Variants in PHF20 observed in about 807,000 individuals in gnomAD.
The protein encoded by PHF20 is glioma-expressed antigen 2.
A neutral mutation model predicts 113.5 loss-of-function variants in PHF20; 23 were observed. The observed-to-expected ratio is 0.20, with a 90% confidence interval of 0.15 to 0.29. PHF20 has a LOEUF of 0.29. Among genes scored for constraint, PHF20 ranks in the 10% least tolerant of loss-of-function variants. The probability of loss-of-function intolerance (pLI) is 1.00; values close to 1 mark genes in which losing one functional copy is unlikely to be tolerated. For synonymous variants in PHF20, 434 were observed against 457.3 expected (o/e 0.95, Z 0.65); for missense variants, 943 against 1,219.6 (o/e 0.77, Z 3.38).
chr20:35,818,491 C>G (rs947070162), intron 2 of PHF20, among the ~76,000 whole-genome samples: 1 of 151,992 alleles, frequency 6.6e-6, no homozygotes, highest in Non-Finnish European at 1.5e-5. Flanking sequence ...AACTTCTGGG[C>G]TCAAGCAGTG....
At chr20:35,896,502 A>G (rs1211138455) in intron 9 of PHF20, among the ~76,000 whole-genome samples, 1 of 152,044 alleles carries the variant, frequency 6.6e-6, no homozygotes, top group Non-Finnish European at 1.5e-5. Flanking sequence ...AATAAACTGC[A>G]TTTCTAACAC....
At chr20:35,910,609 G>C (rs1180467692) in intron 10 of PHF20, among the ~76,000 whole-genome samples, 13 of 151,716 alleles carry the variant, frequency 8.6e-5, no homozygotes, top group Admixed American at 8.5e-4. Flanking sequence ...TCTGCTTACT[G>C]TTACTTGTGG....
At chr20:35,843,571 TA>T (rs2042569987) in intron 3 of PHF20, among the ~76,000 whole-genome samples, 1 of 149,524 alleles carries the variant, frequency 6.7e-6, no homozygotes. Flanking sequence ...AACGTTGTAC[TA>T]AGTCTCATAT....
intron 17 of PHF20, among the ~76,000 whole-genome samples, chr20:35,943,496 T>TA (rs376783489): frequency 0.014 from 1,607 of 115,970 alleles, 26 homozygotes; most frequent in African/African-American, 0.041. Context: ...CCCATTTCTT[T>TA]AAAAAAAAAA....
chr20:35,831,925 G>C (rs74768850), intron 2 of PHF20, among the ~76,000 whole-genome samples: 7,710 of 152,180 alleles, frequency 0.051, 241 homozygotes, highest in African/African-American at 0.099. Context: ...AGACCTTGTG[G>C]ACCAGCAGCT....
intron 1 of PHF20, among the ~76,000 whole-genome samples, chr20:35,788,680 C>T (rs1986482): frequency 0.011 from 1,610 of 152,220 alleles, 30 homozygotes; most frequent in African/African-American, 0.037. Flanking sequence ...CATGTTCAAG[C>T]GTTTCTCCTG....
chr20:35,881,048 C>CGTTTTTTTTTTT (rs2054620632), intron 9 of PHF20, among the ~76,000 whole-genome samples: 1 of 109,756 alleles, frequency 9.1e-6, no homozygotes, highest in Non-Finnish European at 1.8e-5. Context: ...CTCTAAATAC[C>CGTTTTTTTTTTT]TTTTTTTTTT....
chr20:35,806,641 C>T (rs1474022704), intron 2 of PHF20, among the ~76,000 whole-genome samples: 1 of 152,076 alleles, frequency 6.6e-6, no homozygotes, highest in Non-Finnish European at 1.5e-5. Flanking sequence ...TTTACATAGG[C>T]CTGTTCTCAG....
chr20:35,912,167 A>T (rs2055319145), intron 10 of PHF20, among the ~76,000 whole-genome samples: 1 of 150,576 alleles, frequency 6.6e-6, no homozygotes, highest in African/African-American at 2.4e-5. Context: ...TTTTAGAGAG[A>T]CGGGGTTTCA....
intron 9 of PHF20, among the ~76,000 whole-genome samples, chr20:35,898,294 A>T (rs2055028616): frequency 6.6e-6 from 1 of 152,250 alleles, no homozygotes; most frequent in African/African-American, 2.4e-5. Flanking sequence ...AAACTGACGT[A>T]AAATCTCTTA....
chr20:35,863,434 T>C lies in PHF20; in HGVS notation c.808+34T>C. On this transcript the variant is annotated intron_variant, in intron 6 of 17. Transcript: ENST00000374012. ...TTTAAGTGGGCTCTGCAATGGGCAATGCCAGAGTATTCTTCTGTGGCCCTT... is the reference window on the plus strand; with the variant it reads ...TTTAAGTGGGCTCTGCAATGGGCAACGCCAGAGTATTCTTCTGTGGCCCTT... 3.9e-6 allele frequency: 6 copies of C among 1,542,466 alleles called. No individual in the cohort carries two copies. The South Asian group carries it at 7.7e-5, about 20-fold the overall frequency.
intron 1 of PHF20, among the ~76,000 whole-genome samples, chr20:35,791,246 A>G (rs1181610992): frequency 6.6e-6 from 1 of 152,088 alleles, no homozygotes; most frequent in African/African-American, 2.4e-5. Context: ...CAACAGTGTA[A>G]TTAACTGGAG....
In PHF20 at chr20:35,927,841, C is replaced by T; in HGVS notation, c.2066C>T (p.Pro689Leu). ...VCMGLLEENV[P>L]EKYTCYVCQD... ...ATGGGATTACTGGAAGAAAATGTGCCCGAGAAATACACCTGTTATGTTTGC... is the reference window on the plus strand; with the variant it reads ...ATGGGATTACTGGAAGAAAATGTGCTCGAGAAATACACCTGTTATGTTTGC... Residue 689 changes from proline to leucine, a missense_variant, in exon 14 of 18, where the codon CCC becomes CTC. Pro to Leu is a moderately conservative substitution (Grantham distance 98). Around this residue, in one of 3 missense-constraint regions of PHF20, gnomAD observed 349 missense variants for 412.3 expected, o/e 0.85. Transcript: ENST00000374012. The T allele has an allele frequency of 6.2e-7, 1 of 1,613,882 alleles. No homozygotes were observed. The highest frequency in any genetic ancestry group is 2.2e-5 in the East Asian group (1 of 44,886).
At chr20:35,819,931 A>G (rs998585784) in intron 2 of PHF20, among the ~76,000 whole-genome samples, 1 of 152,180 alleles carries the variant, frequency 6.6e-6, no homozygotes, top group African/African-American at 2.4e-5. Context: ...AAGGCTTTAT[A>G]TGTTATACCT....
intron 9 of PHF20, among the ~76,000 whole-genome samples, chr20:35,886,881 A>C (rs575155508): frequency 1.6e-4 from 24 of 152,326 alleles, no homozygotes; most frequent in African/African-American, 5.5e-4. Flanking sequence ...CTGCGAGAGC[A>C]TGAAGCAGTT....
At chr20:35,833,413 C>A (rs758450094) in intron 2 of PHF20, among the ~76,000 whole-genome samples, 2 of 152,092 alleles carry the variant, frequency 1.3e-5, no homozygotes, top group African/African-American at 2.4e-5. Flanking sequence ...GTCATGGTGA[C>A]CACCATGTGC....
intron 3 of PHF20, chr20:35,845,363 CT>C (rs1395680557): frequency 4.0e-5 from 15 of 378,002 alleles, no homozygotes; most frequent in South Asian, 1.2e-4. Flanking sequence ...ATTAACTCAT[CT>C]TTTTTTGTTT....
intron 4 of PHF20, among the ~76,000 whole-genome samples, chr20:35,852,069 T>A (rs953999926): frequency 3.9e-5 from 6 of 152,180 alleles, no homozygotes; most frequent in African/African-American, 1.4e-4. Context: ...TTATTGCCAT[T>A]AACCCCATTC....
At chr20:35,944,580 A>AT (rs2056052310) in intron 17 of PHF20, among the ~76,000 whole-genome samples, 1 of 151,870 alleles carries the variant, frequency 6.6e-6, no homozygotes, top group African/African-American at 2.4e-5. Context: ...ATTTTATTTT[A>AT]TTTTTTTAAG....
Sources: allele counts gnomAD v4.1 joint callset (sites outside exome capture counted in the v4.1 genomes callset), GRCh38; gene constraint gnomAD v4.1.1; regional missense constraint gnomAD v4.1.1; transcripts MANE v1.5; gene names NCBI Gene and HGNC (gene_info 2026-07-23, HGNC 2026-07-21).